FNIP1: variants seen among roughly 807,000 people sequenced by gnomAD.
FNIP1 encodes folliculin interacting protein 1, also known as folliculin-interacting protein 1.
FNIP1 carries 40 observed loss-of-function variants against 124.5 expected under a neutral mutation model. That is an observed-to-expected ratio of 0.32 (90% CI 0.25 to 0.42). FNIP1 has a LOEUF of 0.42. Among genes scored for constraint, FNIP1 ranks in the 10% least tolerant of loss-of-function variants. The probability of loss-of-function intolerance (pLI) is 1.00; values close to 1 mark genes in which losing one functional copy is unlikely to be tolerated. For synonymous variants in FNIP1, 472 were observed against 470.6 expected, an observed-to-expected ratio of 1.00 and a Z score of -0.04; for missense variants, 1,176 against 1,403.7, an observed-to-expected ratio of 0.84 and a Z score of 2.59.
intron 15 of FNIP1, among the ~76,000 whole-genome samples, chr5:131,655,937 CA>C (rs531712939): frequency 7.6e-6 from 1 of 131,846 alleles, no homozygotes; most frequent in African/African-American, 2.6e-5. Flanking sequence ...CAAAACAAAA[CA>C]AAACAAAAAA....
At chr5:131,723,445 T>TA (rs1769743589) in intron 3 of FNIP1, among the ~76,000 whole-genome samples, 2 of 152,202 alleles carry the variant, frequency 1.3e-5, no homozygotes, top group South Asian at 4.1e-4. Context: ...TATGACACCA[T>TA]ATAGTTTACT....
Position 131,751,426 on chromosome 5 carries a change from G to GA in FNIP1, c.93-6737dup, listed in dbSNP as rs1348294398. 2.7e-4 allele frequency among the ~76,000 whole-genome samples: 40 copies of GA among 149,414 alleles called. 1 individual carries two copies. The highest frequency in any genetic ancestry group is 3.0e-5 in the Non-Finnish European group (2 of 67,358). The stretch of plus-strand genomic sequence containing the variant: ...GTTCACATGCCTGTTTCTTCCACTA[G>GA]AAAAAAAAAGCTCCCTGAGGGAAGA... On this transcript the variant is annotated intron_variant, in intron 1 of 17. Coordinates refer to ENST00000510461, the MANE Select transcript of FNIP1 (RefSeq NM_133372.3).
At chr5:131,667,311 T>G (rs925998002) in intron 15 of FNIP1, among the ~76,000 whole-genome samples, 5 of 152,338 alleles carry the variant, frequency 3.3e-5, no homozygotes, top group African/African-American at 1.2e-4. Context: ...CAATAAATAT[T>G]TATTTGATTG....
intron 1 of FNIP1, among the ~76,000 whole-genome samples, chr5:131,785,550 CA>C (rs34264541): frequency 0.88 from 132,067 of 149,738 alleles, 58,362 homozygotes; most frequent in African/African-American, 0.95. Context: ...GACTCCGTCT[CA>C]AAAAAAAAAC....
chr5:131,739,993 C>T (rs894544708), intron 2 of FNIP1, among the ~76,000 whole-genome samples: 1 of 152,042 alleles, frequency 6.6e-6, no homozygotes, highest in East Asian at 1.9e-4. Flanking sequence ...ACACTACCCC[C>T]ACCCCAAACA....
At chr5:131,767,456 A>AAAAAAAAAAAAAAAAAT (rs1771474964) in intron 1 of FNIP1, among the ~76,000 whole-genome samples, 1 of 114,876 alleles carries the variant, frequency 8.7e-6, no homozygotes, top group African/African-American at 2.9e-5. Flanking sequence ...AAAAAAAAAA[A>AAAAAAAAAAAAAAAAAT]GAAAAGAAAT....
At chr5:131,733,919 T>C (rs1770192855) in intron 2 of FNIP1, among the ~76,000 whole-genome samples, 1 of 152,248 alleles carries the variant, frequency 6.6e-6, no homozygotes, top group Admixed American at 6.5e-5. Flanking sequence ...AGCTCCTCCT[T>C]CTACCTCTGG....
intron 13 of FNIP1, among the ~76,000 whole-genome samples, chr5:131,677,120 T>C (rs1011274809): frequency 6.6e-6 from 1 of 152,234 alleles, no homozygotes; most frequent in African/African-American, 2.4e-5. Flanking sequence ...TTATTCCTAC[T>C]TTATGAATAA....
chr5:131,643,418 C>T lies in FNIP1; in HGVS notation c.*1267G>A, dbSNP rs1263526324. ...ACTTTACTACTAGCATTAAAAGTCT[C>T]TTAGACCAGATAAGCAAAGAATAAA... On this transcript the variant is annotated 3_prime_UTR_variant, in exon 18 of 18. Transcript: ENST00000510461. The T allele has an allele frequency of 1.3e-5, 2 of 152,646 alleles. No individual in the cohort carries two copies. Among genetic ancestry groups the T allele is most frequent in the Non-Finnish European group, 2.9e-5 (2 of 68,012 alleles). The allele number at this position is 152,646 out of a possible 1,614,324, so 9.5% of individuals were successfully genotyped here.
intron 11 of FNIP1, among the ~76,000 whole-genome samples, chr5:131,688,694 C>G (rs1262067871): frequency 8.4e-6 from 1 of 119,670 alleles, no homozygotes; most frequent in African/African-American, 2.9e-5. Context: ...AAAGGAAATG[C>G]TAGCAATTAA....
At chr5:131,655,021 G>C (rs1392601939) in intron 15 of FNIP1, among the ~76,000 whole-genome samples, 2 of 152,120 alleles carry the variant, frequency 1.3e-5, no homozygotes, top group Non-Finnish European at 2.9e-5. Context: ...ATACATCTGT[G>C]ATATTGTGAA....
chr5:131,668,777 G>GT (rs1318883020), intron 15 of FNIP1, among the ~76,000 whole-genome samples: 1 of 152,204 alleles, frequency 6.6e-6, no homozygotes, highest in Non-Finnish European at 1.5e-5. Flanking sequence ...CAACTCTGCT[G>GT]TTAGGCATGA....
chr5:131,649,007 G>A (rs1462456513), intron 16 of FNIP1, among the ~76,000 whole-genome samples: 1 of 152,138 alleles, frequency 6.6e-6, no homozygotes, highest in Non-Finnish European at 1.5e-5. Flanking sequence ...TTTCATGGCT[G>A]AATAAATATT....
At chr5:131,681,882 C>A (rs1174133662) in intron 11 of FNIP1, among the ~76,000 whole-genome samples, 1 of 151,174 alleles carries the variant, frequency 6.6e-6, no homozygotes, top group East Asian at 1.9e-4. Flanking sequence ...CATAAAGGAC[C>A]AAGAAACAGG....
chr5:131,732,462 G>C (rs1770128788), intron 2 of FNIP1, among the ~76,000 whole-genome samples: 1 of 152,166 alleles, frequency 6.6e-6, no homozygotes. Context: ...TATGGTTTTA[G>C]GTCTAACATT....
intron 11 of FNIP1, among the ~76,000 whole-genome samples, chr5:131,686,455 C>T (rs1351257157): frequency 1.3e-5 from 2 of 152,150 alleles, no homozygotes; most frequent in African/African-American, 4.8e-5. Flanking sequence ...ACCAATCCTG[C>T]CAAGCTTCAG....
chr5:131,693,311 TATATAC>T (rs374270315), intron 11 of FNIP1, among the ~76,000 whole-genome samples: 25,796 of 61,852 alleles, frequency 0.42, 6,277 homozygotes, highest in South Asian at 0.52. Flanking sequence ...TATATATATA[TATATAC>T]ACATATATAT....
At chr5:131,796,665 A>G (rs963147901) in intron 1 of FNIP1, 165 bp downstream of exon 1, 4 of 634,118 alleles carry the variant, frequency 6.3e-6, no homozygotes, top group Non-Finnish European at 1.1e-5. Flanking sequence ...ACCTCGCTCC[A>G]ACCCTTCGGC....
At chr5:131,690,495 G>A (rs941107130) in intron 11 of FNIP1, among the ~76,000 whole-genome samples, 1 of 152,052 alleles carries the variant, frequency 6.6e-6, no homozygotes, top group Non-Finnish European at 1.5e-5. Context: ...CAGATCTGAT[G>A]GTTTTATAAG....
Sources: gnomAD v4.1 joint callset for allele counts (sites outside exome capture counted in the v4.1 genomes callset) on GRCh38, gnomAD v4.1.1 for gene constraint, MANE v1.5 for transcripts, NCBI Gene and HGNC (gene_info 2026-07-23, HGNC 2026-07-21) for gene names.